HSD17B12: variants seen among roughly 807,000 people sequenced by gnomAD.
HSD17B12 encodes hydroxysteroid 17-beta dehydrogenase 12, also known as very-long-chain 3-oxoacyl-CoA reductase.
In HSD17B12, 32 loss-of-function variants were observed where a neutral mutation model predicts 39.3. The ratio of observed to expected loss-of-function variants is 0.81; its 90% confidence interval spans 0.61 to 1.09. The LOEUF is 1.09. Ranked by LOEUF, HSD17B12 falls within the 50% of genes least tolerant of loss-of-function variation. The pLI is 0.00. For synonymous variants in HSD17B12, 150 were observed against 146.7 expected (o/e 1.02, Z -0.16); for missense variants, 342 against 382.9 (o/e 0.89, Z 0.89).
intron 6 of HSD17B12, among the ~76,000 whole-genome samples, chr11:43,819,070 G>A (rs1449986970): frequency 2.0e-5 from 3 of 152,110 alleles, no homozygotes; most frequent in African/African-American, 7.2e-5. Flanking sequence ...ATAATATCTT[G>A]TGCTGAGTTA....
chr11:43,792,260 A>G (rs1235856152), intron 3 of HSD17B12, among the ~76,000 whole-genome samples: 3 of 152,226 alleles, frequency 2.0e-5, no homozygotes, highest in African/African-American at 7.2e-5. Context: ...AAATTAGAGA[A>G]AGTACAAAAG....
chr11:43,702,315 A>C (rs568848643), intron 1 of HSD17B12, among the ~76,000 whole-genome samples: 45 of 152,262 alleles, frequency 3.0e-4, no homozygotes, highest in Admixed American at 7.2e-4. Flanking sequence ...TTGGATGCCC[A>C]TTATATCTTT....
At chr11:43,828,207 A>G (rs1408857164) in intron 6 of HSD17B12, among the ~76,000 whole-genome samples, 14 of 132,980 alleles carry the variant, frequency 1.1e-4, no homozygotes, top group Middle Eastern at 5.0e-3. Context: ...CAGTGGCGGG[A>G]TCTCGGCTCA....
At chr11:43,809,976 A>C (rs1951054968) in intron 4 of HSD17B12, among the ~76,000 whole-genome samples, 1 of 152,174 alleles carries the variant, frequency 6.6e-6, no homozygotes. Context: ...GTTACTTTGC[A>C]TTATTTGATG....
chr11:43,705,901 T>A (rs1217248289), intron 1 of HSD17B12, among the ~76,000 whole-genome samples: 1 of 151,750 alleles, frequency 6.6e-6, no homozygotes, highest in Non-Finnish European at 1.5e-5. Flanking sequence ...TAGCTGGAAC[T>A]GCAGGTGTAT....
intron 1 of HSD17B12, among the ~76,000 whole-genome samples, chr11:43,746,940 G>A (rs1950417540): frequency 6.6e-6 from 1 of 152,224 alleles, no homozygotes; most frequent in South Asian, 2.1e-4. Flanking sequence ...CTGACTGTAT[G>A]TGGTTTGCTT....
intron 10 of HSD17B12, 32 bp downstream of exon 10, chr11:43,854,896 C>T (rs768271116): frequency 1.2e-6 from 2 of 1,607,450 alleles, no homozygotes; most frequent in South Asian, 2.2e-5. Context: ...CAAATCAATA[C>T]TTTCTGGCTT....
At chr11:43,818,938 T>C (rs1467739977) in intron 6 of HSD17B12, among the ~76,000 whole-genome samples, 1 of 152,196 alleles carries the variant, frequency 6.6e-6, no homozygotes, top group Non-Finnish European at 1.5e-5. Context: ...ACAACGTATA[T>C]ATTTTATAAT....
chr11:43,736,213 A>G (rs961634059), intron 1 of HSD17B12, among the ~76,000 whole-genome samples: 2 of 152,244 alleles, frequency 1.3e-5, no homozygotes, highest in African/African-American at 4.8e-5. Context: ...TGCCACCAGA[A>G]GGAATCGCAG....
At chr11:43,636,547 C>CA in the HSD17B12 span, among the ~76,000 whole-genome samples, 1 of 150,218 alleles carries the variant, frequency 6.7e-6, no homozygotes, top group African/African-American at 2.4e-5. Context: ...TTAAAAAAAC[C>CA]AAAAAACAGA....
At chr11:43,667,016 G>A in the HSD17B12 span, among the ~76,000 whole-genome samples, 57,593 of 152,100 alleles carry the variant, frequency 0.38, 12,307 homozygotes, top group East Asian at 0.73. Context: ...GATAGGTGAG[G>A]CAACAAAGCC....
intron 1 of HSD17B12, among the ~76,000 whole-genome samples, chr11:43,685,325 T>A (rs1284011766): frequency 7.5e-6 from 1 of 132,482 alleles, no homozygotes; most frequent in Admixed American, 7.7e-5. Context: ...AATCACAATT[T>A]CTGTTTTCAC....
chr11:43,693,070 A>G (rs1949877567), intron 1 of HSD17B12, among the ~76,000 whole-genome samples: 1 of 152,248 alleles, frequency 6.6e-6, no homozygotes, highest in South Asian at 2.1e-4. Flanking sequence ...CAACCTCTTC[A>G]CTTCAATTAT....
intron 3 of HSD17B12, among the ~76,000 whole-genome samples, chr11:43,756,149 T>A (rs1228879527): frequency 6.6e-6 from 1 of 152,120 alleles, no homozygotes; most frequent in Non-Finnish European, 1.5e-5. Flanking sequence ...AGATGAGATT[T>A]GGATGGGGAC....
chr11:43,845,486 C>T (rs1951466632), intron 9 of HSD17B12, among the ~76,000 whole-genome samples: 1 of 151,992 alleles, frequency 6.6e-6, no homozygotes, highest in Non-Finnish European at 1.5e-5. Context: ...TTTCCTTTAA[C>T]CTGGGATATA....
intron 3 of HSD17B12, among the ~76,000 whole-genome samples, chr11:43,777,837 T>C (rs1950723297): frequency 6.6e-6 from 1 of 152,122 alleles, no homozygotes; most frequent in South Asian, 2.1e-4. Context: ...CAAAGCACTG[T>C]GTAGAGGGAA....
chr11:43,627,149 C>A, the HSD17B12 span, among the ~76,000 whole-genome samples: 1 of 151,774 alleles, frequency 6.6e-6, no homozygotes, highest in South Asian at 2.1e-4. Context: ...TAATAATATA[C>A]AAGTATGACG....
At chr11:43,667,584 G>T in the HSD17B12 span, among the ~76,000 whole-genome samples, 1 of 152,130 alleles carries the variant, frequency 6.6e-6, no homozygotes, top group Non-Finnish European at 1.5e-5. Flanking sequence ...CAGAAGTGTT[G>T]CATATTTTGG....
chr11:43,791,566 A>G (rs1243401276), intron 3 of HSD17B12, among the ~76,000 whole-genome samples: 1 of 151,756 alleles, frequency 6.6e-6, no homozygotes, highest in Non-Finnish European at 1.5e-5. Flanking sequence ...GAAGAGGAAT[A>G]TTTTGCCTTT....
Sources: allele counts gnomAD v4.1 joint callset (sites outside exome capture counted in the v4.1 genomes callset), GRCh38; gene constraint gnomAD v4.1.1; transcripts MANE v1.5; gene names NCBI Gene and HGNC (gene_info 2026-07-23, HGNC 2026-07-21).